Variants in CAMKK1 observed in about 807,000 individuals in gnomAD.
CAMKK1 encodes calcium/calmodulin-dependent protein kinase kinase 1.
Under a neutral mutation model 63.5 loss-of-function variants are expected in CAMKK1, and 20 were observed. The ratio of observed to expected loss-of-function variants is 0.32; its 90% confidence interval spans 0.22 to 0.46. The LOEUF is 0.46. Among genes scored for constraint, CAMKK1 ranks in the 20% least tolerant of loss-of-function variants. The pLI, the probability that CAMKK1 is intolerant of heterozygous loss-of-function variation, is 1.00. For synonymous variants in CAMKK1, 253 were observed against 269.0 expected (o/e 0.94, Z 0.58); for missense variants, 588 against 658.1 (o/e 0.89, Z 1.17).
Position 3,872,616 on chromosome 17 carries a change from G to C in CAMKK1, c.1062C>G (p.Ile354Met). ...TGTGGAGGGCCAGGATGAAATCGTC[G>C]ATGAATGGGCACTGTGGGGTGGAGA... ...YCFVYGKCPF[I>M]DDFILALHRK... is the part of the protein sequence containing the mutation. The change falls in exon 12 of 16, where the codon ATC becomes ATG. Residue 354 changes from isoleucine (I) to methionine (M), a missense_variant. By Grantham distance (10) the Ile-to-Met change is conservative. This residue lies in a region of CAMKK1 where 226 missense variants were observed against 229.2 expected (regional missense o/e 0.99). Transcript: ENST00000348335. 1 of 1,613,960 alleles carries C rather than the reference G, an allele frequency of 6.2e-7. No homozygotes were observed. Among genetic ancestry groups the C allele is most frequent in the Non-Finnish European group, 8.5e-7 (1 of 1,179,824 alleles).
chr17:3,871,579 A>G (rs1427929852), intron 12 of CAMKK1, among the ~76,000 whole-genome samples: 7 of 147,380 alleles, frequency 4.7e-5, no homozygotes, highest in Admixed American at 3.4e-4. Context: ...GATGGTCTCG[A>G]TCTCCTGACC....
chr17:3,891,824 G>GGGGA (rs1409875992), intron 1 of CAMKK1, among the ~76,000 whole-genome samples: 1 of 152,096 alleles, frequency 6.6e-6, no homozygotes, highest in African/African-American at 2.4e-5. Flanking sequence ...GTTTGGGGGT[G>GGGGA]GGGAGAGCTT....
intron 15 of CAMKK1, 149 bp downstream of exon 15, chr17:3,865,759 A>C: frequency 2.8e-6 from 4 of 1,454,490 alleles, no homozygotes; most frequent in Non-Finnish European, 1.8e-6. Context: ...CCTTGGGGAC[A>C]GAGATGCAAA....
At chr17:3,873,980 C>T (rs2055025198) in intron 10 of CAMKK1, among the ~76,000 whole-genome samples, 1 of 152,178 alleles carries the variant, frequency 6.6e-6, no homozygotes, top group Non-Finnish European at 1.5e-5. Context: ...ACCCCTGGGC[C>T]TCCCCGCGCC....
At chr17:3,885,847 C>A in intron 1 of CAMKK1, 117 bp from the exon 2 acceptor site, 1 of 1,045,818 alleles carries the variant, frequency 9.6e-7, no homozygotes. Context: ...TTCCCTCTAC[C>A]GGGATTGCCA....
rs935103274 is a variant in CAMKK1, at chr17:3,882,306, C to T, written c.685+222G>A. On this transcript the variant is annotated intron_variant, in intron 7 of 15. Transcript: ENST00000348335. This position sits in a 1 kb window ranked among gnomAD's most constrained non-coding sequence, Gnocchi z 4.3. ...CACTGTCTTGCTGCTCAGAGGGAAG[C>T]AGGGAGTGGGGCTTGGCGATATTTG... 3 of 1,613,972 alleles carry T rather than the reference C, an allele frequency of 1.9e-6. No individual in the cohort carries two copies. The African/African-American group carries it at 4.0e-5, about 22-fold the overall frequency.
intron 14 of CAMKK1, among the ~76,000 whole-genome samples, chr17:3,869,178 C>T (rs34224228): frequency 0.26 from 39,158 of 151,180 alleles, 5,570 homozygotes; most frequent in Non-Finnish European, 0.33. Flanking sequence ...AGGATGGTCT[C>T]GATCTCCTGA....
intron 11 of CAMKK1, 128 bp from the exon 12 acceptor site, chr17:3,872,755 C>T: frequency 1.4e-6 from 1 of 696,298 alleles, no homozygotes. Context: ...ATGAGAAGGA[C>T]CTCAACTCAC....
chr17:3,869,615 A>G lies in CAMKK1; in HGVS notation c.1213T>C (p.Leu405=). The G allele has an allele frequency of 1.2e-6, 2 of 1,614,148 alleles. No individual in the cohort carries two copies. The highest frequency in any genetic ancestry group is 1.7e-6 in the Non-Finnish European group (2 of 1,180,010). Residue 405 remains leucine, a splice_region_variant and synonymous_variant, in exon 14 of 16, where the codon TTG becomes CTG. Transcript: ENST00000348335. The part of the protein sequence containing the change: ...ETRIGVPDIK[L]HPWVTKNGEE... ...CCGTTCTTGGTCACCCAAGGGTGCA[A>G]CTGTCGGGGCCGGGAGGGCAGGGAG...
chr17:3,880,521 GC>G, intron 8 of CAMKK1, 87 bp from the exon 9 acceptor site: 1 of 922,306 alleles, frequency 1.1e-6, no homozygotes, highest in Non-Finnish European at 1.7e-6. Flanking sequence ...GGAAACCTGT[GC>G]CCACATGAGT....
intron 14 of CAMKK1, among the ~76,000 whole-genome samples, chr17:3,868,896 AC>A (rs1240170254): frequency 8.4e-5 from 12 of 143,652 alleles, no homozygotes; most frequent in Non-Finnish European, 1.4e-4. Flanking sequence ...CTCGTGATCC[AC>A]CCGCCTCGGC....
At chr17:3,868,396 C>T (rs1196620015) in intron 14 of CAMKK1, among the ~76,000 whole-genome samples, 9 of 143,586 alleles carry the variant, frequency 6.3e-5, no homozygotes, top group South Asian at 4.5e-4. Context: ...GCCCATCTAA[C>T]TGATATGTGG....
At chr17:3,886,452 CA>C (rs961627603) in intron 1 of CAMKK1, among the ~76,000 whole-genome samples, 32 of 152,088 alleles carry the variant, frequency 2.1e-4, no homozygotes, top group African/African-American at 7.7e-4. Flanking sequence ...GCTAACATGG[CA>C]AAACTCTGTC....
intron 14 of CAMKK1, among the ~76,000 whole-genome samples, chr17:3,868,533 C>T (rs1448253597): frequency 6.6e-6 from 1 of 152,250 alleles, no homozygotes; most frequent in African/African-American, 2.4e-5. Flanking sequence ...GGCCGTTCCC[C>T]TGCCTTGTCC....
Position 3,862,213 on chromosome 17 carries a change from A to G in CAMKK1, c.1516T>C (p.Ter506ArgextTer185). 1 of 1,584,406 alleles carries G rather than the reference A, an allele frequency of 6.3e-7. No individual in the cohort carries two copies. The highest frequency in any genetic ancestry group is 1.2e-5 in the South Asian group (1 of 86,828). ...PGVQEDEAAS* is the reference protein window; with the variant it reads ...PGVQEDEAASR ...TGGCCCTGGGTGCATGCAGGGGCTC[A>G]GGATGCAGCCTCGTCTTCCTGGACG... The change falls in exon 16 of 16, where the codon TGA (stop) becomes CGA (arginine). Residue 506 changes from the stop codon to arginine (R), a stop_lost. Transcript: ENST00000348335. This position sits in a 1 kb window ranked among gnomAD's most constrained non-coding sequence, Gnocchi z 4.1.
At chr17:3,877,884 C>T (rs547069429) in intron 9 of CAMKK1, among the ~76,000 whole-genome samples, 1 of 152,278 alleles carries the variant, frequency 6.6e-6, no homozygotes, top group Non-Finnish European at 1.5e-5. Flanking sequence ...AGCTAGGCAT[C>T]GATATATGTC....
chr17:3,884,691 G>A lies in CAMKK1; in HGVS notation c.361-264C>T, dbSNP rs890262182. 3.3e-5 allele frequency among the ~76,000 whole-genome samples: 5 copies of A among 152,200 alleles called. No individual in the cohort carries two copies. Among genetic ancestry groups the A allele is most frequent in the Admixed American group, 6.5e-5 (1 of 15,288 alleles). ...CCAGAAGCAGTGGTGAAGGGAAAAC[G>A]CTAATTCCTGTCTGGATTCTGGAGT... On this transcript the variant is annotated intron_variant, in intron 2 of 15. Transcript: ENST00000348335. The surrounding 1 kb of genome is among the most constrained non-coding windows in gnomAD (Gnocchi z 4.5).
chr17:3,882,175 G>C lies in CAMKK1; in HGVS notation c.685+353C>G, dbSNP rs1036080079. On this transcript the variant is annotated intron_variant, in intron 7 of 15. Transcript: ENST00000348335. The surrounding 1 kb of genome is among the most constrained non-coding windows in gnomAD (Gnocchi z 4.3). ...GAACCCTATGAGGTAGACACCACTAGTATCCCTGTTTTATAGGTGGGAAAA... is the reference window on the plus strand; with the variant it reads ...GAACCCTATGAGGTAGACACCACTACTATCCCTGTTTTATAGGTGGGAAAA... The C allele has an allele frequency of 3.3e-6, 3 of 920,022 alleles. No individual in the cohort carries two copies. In the African/African-American group the frequency reaches 5.0e-5, roughly 15 times the overall value. The allele number at this position is 920,022 out of a possible 1,614,324, so 57.0% of individuals were successfully genotyped here. A position where few individuals can be genotyped will look rare whatever the true frequency, so the allele number is the denominator to read the frequency against.
chr17:3,872,185 G>A lies in CAMKK1; in HGVS notation c.1124+369C>T, dbSNP rs548447203. 1.2e-4 allele frequency among the ~76,000 whole-genome samples: 19 copies of A among 152,348 alleles called. No homozygotes were observed. The South Asian group carries it at 2.3e-3, about 18-fold the overall frequency. On this transcript the variant is annotated intron_variant, in intron 12 of 15. Transcript: ENST00000348335. Reference sequence around the variant, plus strand: ...TTTCCATCTGTGAAATGGGGAGCACGCACTGGCATCTTGAAGTTCCCTGAC... The same window carrying A: ...TTTCCATCTGTGAAATGGGGAGCACACACTGGCATCTTGAAGTTCCCTGAC...
Sources: allele counts gnomAD v4.1 joint callset (sites outside exome capture counted in the v4.1 genomes callset), GRCh38; gene constraint gnomAD v4.1.1; regional missense constraint gnomAD v4.1.1; non-coding constraint Gnocchi (gnomAD v3.1); transcripts MANE v1.5; gene names NCBI Gene and HGNC (gene_info 2026-07-23, HGNC 2026-07-21).